Variants in SCAPER observed in about 807,000 individuals in gnomAD.
The protein encoded by SCAPER is S-phase cyclin A associated protein in the ER, also known as S phase cyclin A-associated protein in the endoplasmic reticulum.
SCAPER carries 98 observed loss-of-function variants against 182.2 expected under a neutral mutation model. That is an observed-to-expected ratio of 0.54 (90% CI 0.46 to 0.64). The LOEUF (loss-of-function observed/expected upper bound fraction) is 0.64, where lower values mean the gene tolerates loss of function less well. Ranked by LOEUF, SCAPER falls within the 30% of genes least tolerant of loss-of-function variation. The pLI is 0.00. For missense variants in SCAPER, 1,432 were observed against 1,690.0 expected, an observed-to-expected ratio of 0.85 and a Z score of 2.68; for synonymous variants, 605 against 564.6, an observed-to-expected ratio of 1.07 and a Z score of -1.01.
chr15:76,420,279 C>G (rs2045939533), intron 26 of SCAPER, among the ~76,000 whole-genome samples: 2 of 139,930 alleles, frequency 1.4e-5, no homozygotes, highest in South Asian at 4.4e-4. Context: ...TCTATGTTGC[C>G]TAGGCTGGTC....
At chr15:76,392,255 C>G (rs532455298) in intron 27 of SCAPER, among the ~76,000 whole-genome samples, 14 of 152,224 alleles carry the variant, frequency 9.2e-5, no homozygotes, top group African/African-American at 3.1e-4. Flanking sequence ...ATATATACTT[C>G]TATAAGCTAT....
intron 5 of SCAPER, among the ~76,000 whole-genome samples, chr15:76,806,409 C>CT (rs1478847729): frequency 1.2e-4 from 18 of 152,160 alleles, no homozygotes; most frequent in African/African-American, 4.3e-4. Context: ...TATATCTATC[C>CT]TACTGCCAGT....
intron 21 of SCAPER, among the ~76,000 whole-genome samples, chr15:76,654,279 G>A (rs947903080): frequency 5.9e-5 from 9 of 151,928 alleles, no homozygotes; most frequent in Non-Finnish European, 1.2e-4. Context: ...ATGGTGGTGG[G>A]CGCCTGTAGT....
chr15:76,716,695 T>A, intron 17 of SCAPER, among the ~76,000 whole-genome samples: 1 of 151,124 alleles, frequency 6.6e-6, no homozygotes, highest in East Asian at 1.9e-4. Context: ...AACAGCAGAC[T>A]AGATCAAGCA....
chr15:76,641,890 T>C (rs569483608), intron 21 of SCAPER, among the ~76,000 whole-genome samples: 8 of 152,332 alleles, frequency 5.3e-5, no homozygotes, highest in Admixed American at 2.6e-4. Context: ...TTTGTCTAAA[T>C]GAAGAACAAC....
chr15:76,745,446 C>T (rs1309253906), intron 15 of SCAPER, among the ~76,000 whole-genome samples: 4 of 152,098 alleles, frequency 2.6e-5, no homozygotes, highest in African/African-American at 9.6e-5. Context: ...GAGACTCCAT[C>T]TCAAAAAACA....
chr15:76,696,556 CACAA>C (rs770888614), intron 20 of SCAPER, among the ~76,000 whole-genome samples: 5 of 151,926 alleles, frequency 3.3e-5, no homozygotes, highest in Non-Finnish European at 7.4e-5. Flanking sequence ...TAATGAATCT[CACAA>C]ACATAGAAAT....
At chr15:76,716,267 T>G (rs2059883369) in intron 17 of SCAPER, among the ~76,000 whole-genome samples, 1 of 152,134 alleles carries the variant, frequency 6.6e-6, no homozygotes, top group African/African-American at 2.4e-5. Context: ...GCAGAGCCAC[T>G]GTGTCCTACA....
intron 21 of SCAPER, among the ~76,000 whole-genome samples, chr15:76,646,042 A>C (rs1250871584): frequency 1.3e-5 from 2 of 152,118 alleles, no homozygotes; most frequent in Non-Finnish European, 2.9e-5. Flanking sequence ...CAATTCTTGT[A>C]CCAATGTAAA....
At chr15:76,542,782 C>T in intron 23 of SCAPER, among the ~76,000 whole-genome samples, 1 of 152,000 alleles carries the variant, frequency 6.6e-6, no homozygotes, top group African/African-American at 2.4e-5. Flanking sequence ...TTACTTGAAA[C>T]ATAAACTTAT....
At chr15:76,732,635 G>C (rs2060984992) in intron 16 of SCAPER, among the ~76,000 whole-genome samples, 1 of 152,002 alleles carries the variant, frequency 6.6e-6, no homozygotes, top group Non-Finnish European at 1.5e-5. Flanking sequence ...CCGGGAAAGG[G>C]ACTCTCCCTT....
At chr15:76,894,940 G>A (rs192163081) in intron 1 of SCAPER, among the ~76,000 whole-genome samples, 37 of 152,192 alleles carry the variant, frequency 2.4e-4, no homozygotes, top group Admixed American at 1.3e-3. Context: ...CTTCACTGGC[G>A]AATTCTACCA....
rs771125619 is a variant in SCAPER at position 76,795,288 on chromosome 15, C to T, written c.764G>A (p.Arg255His). Residue 255 changes from arginine (R) to histidine (H), a missense_variant, in exon 8 of 32, where the codon CGC becomes CAC. Coordinates refer to ENST00000563290, the MANE Select transcript of SCAPER (RefSeq NM_020843.4). ...CPPMTVQKAS[R>H]KNERKDAEGW... ...AATTCGAAGTCACTTGCCATTTTTG[C>T]GTGAGGCCTTCTGCACTGTCATTGG... 20 of 1,607,244 alleles carry T rather than the reference C, an allele frequency of 1.2e-5. No homozygotes were observed. The highest frequency in any genetic ancestry group is 5.1e-5 in the Admixed American group (3 of 59,276).
intron 14 of SCAPER, among the ~76,000 whole-genome samples, chr15:76,759,932 T>C (rs905857638): frequency 2.0e-5 from 3 of 152,152 alleles, no homozygotes; most frequent in Non-Finnish European, 4.4e-5. Context: ...CCCTTTCTTG[T>C]GTTTCTATCT....
intron 29 of SCAPER, among the ~76,000 whole-genome samples, chr15:76,357,328 A>G (rs1267313319): frequency 2.0e-5 from 3 of 152,178 alleles, no homozygotes; most frequent in Non-Finnish European, 4.4e-5. Flanking sequence ...TCTTTTTGAC[A>G]TACAAATGGC....
intron 6 of SCAPER, among the ~76,000 whole-genome samples, chr15:76,802,230 G>A (rs574064851): frequency 1.3e-5 from 2 of 152,300 alleles, no homozygotes; most frequent in African/African-American, 4.8e-5. Context: ...AAAAGTTGGG[G>A]GAGACTAGAA....
chr15:76,725,259 C>G (rs1000306034), intron 17 of SCAPER, among the ~76,000 whole-genome samples: 5 of 151,826 alleles, frequency 3.3e-5, no homozygotes, highest in African/African-American at 1.2e-4. Flanking sequence ...ATGAAAACTA[C>G]AAAACATTGT....
chr15:76,578,118 C>G (rs962787820), intron 22 of SCAPER, among the ~76,000 whole-genome samples: 21 of 151,316 alleles, frequency 1.4e-4, no homozygotes, highest in African/African-American at 5.1e-4. Flanking sequence ...ACTCCTATGA[C>G]TATAGAAAGG....
At position 76,383,950 on chromosome 15, in the gene SCAPER, A is replaced by G. The variant is rs374920111; in HGVS notation, c.3468-2335T>C. Among the ~76,000 whole-genome samples the G allele has an allele frequency of 6.1e-4, 93 of 152,308 alleles. No homozygotes were observed. In the South Asian group the frequency reaches 0.019, roughly 31 times the overall value. ...AATAAAAACAAAAGTTTAAGAAATG[A>G]TATTTATTTGCTTATAGGTATATCT... On this transcript the variant is annotated intron_variant, in intron 27 of 31. Coordinates refer to ENST00000563290, the MANE Select transcript of SCAPER (RefSeq NM_020843.4).
Sources: gnomAD v4.1 joint callset for allele counts (sites outside exome capture counted in the v4.1 genomes callset) on GRCh38, gnomAD v4.1.1 for gene constraint, MANE v1.5 for transcripts, NCBI Gene and HGNC (gene_info 2026-07-23, HGNC 2026-07-21) for gene names.